The following PHLPP1 variants were observed in gnomAD, a reference collection of about 807,000 sequenced individuals.
PHLPP1 encodes PH domain leucine-rich repeat-containing protein phosphatase 1.
Under a neutral mutation model 117.2 loss-of-function variants are expected in PHLPP1, and 42 were observed. The observed-to-expected ratio is 0.36, with a 90% CI of 0.28 to 0.46. The LOEUF is 0.46. Among genes scored for constraint, PHLPP1 ranks in the 20% least tolerant of loss-of-function variants. PHLPP1 has a pLI of 1.00. For missense variants in PHLPP1, 2,084 were observed against 2,241.9 expected, an observed-to-expected ratio of 0.93 and a Z score of 1.42; for synonymous variants, 1,042 against 970.7, an observed-to-expected ratio of 1.07 and a Z score of -1.37.
chr18:62,833,977 A>G (rs923185124), intron 2 of PHLPP1, among the ~76,000 whole-genome samples: 12 of 152,166 alleles, frequency 7.9e-5, no homozygotes, highest in African/African-American at 2.7e-4. Flanking sequence ...CAGATGATTG[A>G]ACAGTGAACA....
chr18:62,880,236 A>C (rs985993070), intron 4 of PHLPP1, among the ~76,000 whole-genome samples: 3 of 151,468 alleles, frequency 2.0e-5, no homozygotes, highest in African/African-American at 7.3e-5. Context: ...TAGCTGTGAG[A>C]TATGCTTAGC....
intron 12 of PHLPP1, among the ~76,000 whole-genome samples, chr18:62,955,306 G>A (rs550574917): frequency 6.6e-6 from 1 of 152,308 alleles, no homozygotes; most frequent in Admixed American, 6.5e-5. Context: ...ACATTCTGAG[G>A]AGTTTGGTGT....
chr18:62,833,582 T>C (rs1267780183), intron 2 of PHLPP1, among the ~76,000 whole-genome samples: 1 of 152,206 alleles, frequency 6.6e-6, no homozygotes, highest in Admixed American at 6.5e-5. Flanking sequence ...TTTCCTTTTT[T>C]GAAATAAGTT....
At chr18:62,741,335 G>T (rs1328806931) in intron 1 of PHLPP1, among the ~76,000 whole-genome samples, 1 of 152,162 alleles carries the variant, frequency 6.6e-6, no homozygotes, top group Non-Finnish European at 1.5e-5. Flanking sequence ...AGTGGTAACA[G>T]AAACTTTTTT....
chr18:62,783,796 T>C (rs1913198232), intron 1 of PHLPP1, among the ~76,000 whole-genome samples: 1 of 152,166 alleles, frequency 6.6e-6, no homozygotes, highest in South Asian at 2.1e-4. Flanking sequence ...GGTGAAATGA[T>C]TGACTGTAGG....
intron 1 of PHLPP1, among the ~76,000 whole-genome samples, chr18:62,761,739 A>G (rs915383961): frequency 3.3e-5 from 5 of 151,792 alleles, no homozygotes; most frequent in Non-Finnish European, 7.4e-5. Flanking sequence ...TTTGAAGTAG[A>G]GGTACTGAAT....
chr18:62,721,439 T>G (rs973679224), intron 1 of PHLPP1, among the ~76,000 whole-genome samples: 4 of 151,882 alleles, frequency 2.6e-5, no homozygotes, highest in African/African-American at 9.7e-5. Flanking sequence ...GGTGTGTGTG[T>G]GTGTGTGTGT....
intron 1 of PHLPP1, among the ~76,000 whole-genome samples, chr18:62,799,675 T>G (rs1459694918): frequency 2.0e-5 from 3 of 152,198 alleles, no homozygotes; most frequent in Non-Finnish European, 4.4e-5. Flanking sequence ...ATAAACCATT[T>G]ATTTATGATA....
intron 4 of PHLPP1, among the ~76,000 whole-genome samples, chr18:62,887,085 G>C (rs1330034159): frequency 6.6e-6 from 1 of 152,180 alleles, no homozygotes; most frequent in Non-Finnish European, 1.5e-5. Flanking sequence ...GGGAAAATGA[G>C]AATGAAAAGA....
chr18:62,821,983 C>T (rs1410716337), intron 1 of PHLPP1, among the ~76,000 whole-genome samples: 2 of 152,084 alleles, frequency 1.3e-5, no homozygotes, highest in Non-Finnish European at 2.9e-5. Context: ...GTAGTCCTAG[C>T]CACTCAGGAG....
At chr18:62,902,650 A>G (rs548233380) in intron 6 of PHLPP1, among the ~76,000 whole-genome samples, 1 of 152,308 alleles carries the variant, frequency 6.6e-6, no homozygotes, top group South Asian at 2.1e-4. Flanking sequence ...GTTCTTTGGA[A>G]GTCAGTGCTT....
chr18:62,890,698 A>T (rs1040294598), intron 4 of PHLPP1, among the ~76,000 whole-genome samples: 1 of 152,186 alleles, frequency 6.6e-6, no homozygotes, highest in African/African-American at 2.4e-5. Flanking sequence ...GCCCCGCCAC[A>T]TTATTGACCT....
intron 1 of PHLPP1, among the ~76,000 whole-genome samples, chr18:62,734,900 T>C (rs1433340260): frequency 6.6e-6 from 1 of 152,196 alleles, no homozygotes; most frequent in Non-Finnish European, 1.5e-5. Context: ...TTATTGGCCC[T>C]TGTGATTATG....
intron 2 of PHLPP1, chr18:62,837,537 A>C (rs1472150170): frequency 6.6e-6 from 1 of 152,018 alleles, no homozygotes; most frequent in African/African-American, 2.4e-5. Flanking sequence ...AGTTTTCTTG[A>C]AGAATCAGTA....
chr18:62,731,067 T>C (rs1255929916), intron 1 of PHLPP1, among the ~76,000 whole-genome samples: 1 of 152,204 alleles, frequency 6.6e-6, no homozygotes, highest in Non-Finnish European at 1.5e-5. Flanking sequence ...TTTGCAGATA[T>C]TGCATTTCTT....
At chr18:62,952,411 G>C (rs2144467821) in intron 12 of PHLPP1, among the ~76,000 whole-genome samples, 1 of 152,150 alleles carries the variant, frequency 6.6e-6, no homozygotes, top group East Asian at 1.9e-4. Flanking sequence ...TTGTTACCCT[G>C]CTTGTCATTT....
At chr18:62,752,442 G>A (rs1378873477) in intron 1 of PHLPP1, among the ~76,000 whole-genome samples, 1 of 152,242 alleles carries the variant, frequency 6.6e-6, no homozygotes, top group Non-Finnish European at 1.5e-5. Context: ...TTGGTTTAGA[G>A]TATGCGACCT....
At chr18:62,790,735 A>T (rs959351877) in intron 1 of PHLPP1, among the ~76,000 whole-genome samples, 1 of 152,152 alleles carries the variant, frequency 6.6e-6, no homozygotes, top group African/African-American at 2.4e-5. Context: ...GAAACTGTGG[A>T]TAGAAAGATT....
rs781147167 is a variant in PHLPP1, at chr18:62,838,854, A to C, written c.1844A>C (p.Tyr615Ser). 24 of 1,613,730 alleles carry C rather than the reference A, an allele frequency of 1.5e-5. No homozygotes were observed. The highest frequency in any genetic ancestry group is 3.3e-5 in the Admixed American group (2 of 59,998). Residue 615 changes from tyrosine (Y) to serine (S), a missense_variant, in exon 3 of 17, where the codon TAC becomes TCC. Physicochemically the swap from Tyr to Ser is moderately radical, Grantham distance 144. Transcript: ENST00000262719. ...TCTGGACCCCAAAGCCAGACTTACTACATTTGCTTTGATACTTTCACAGAA... is the reference window on the plus strand; with the variant it reads ...TCTGGACCCCAAAGCCAGACTTACTCCATTTGCTTTGATACTTTCACAGAA... ...SSSGPQSQTY[Y>S]ICFDTFTEYL...
Sources: allele counts gnomAD v4.1 joint callset (sites outside exome capture counted in the v4.1 genomes callset), GRCh38; gene constraint gnomAD v4.1.1; transcripts MANE v1.5; gene names NCBI Gene and HGNC (gene_info 2026-07-23, HGNC 2026-07-21).